Variants in DOCK1 observed in about 807,000 individuals in gnomAD.
DOCK1 encodes the protein dedicator of cytokinesis protein 1.
In DOCK1, 138 loss-of-function variants were observed where a neutral mutation model predicts 262.7. That is an observed-to-expected ratio of 0.53 (90% confidence interval 0.46 to 0.61). The LOEUF is 0.61. Ranked by LOEUF, DOCK1 falls within the 20% of genes least tolerant of loss-of-function variation. DOCK1 has a pLI of 0.00. For missense variants in DOCK1, 1,908 were observed against 2,370.7 expected (o/e 0.80, Z 4.05); for synonymous variants, 866 against 867.4 (o/e 1.00, Z 0.03).
intron 28 of DOCK1, among the ~76,000 whole-genome samples, chr10:127,248,550 A>G (rs1325463149): frequency 6.6e-6 from 1 of 152,234 alleles, no homozygotes; most frequent in Non-Finnish European, 1.5e-5. Flanking sequence ...GCTCATCAGC[A>G]TTTCTCCAAA....
chr10:126,997,629 C>T (rs1238673702), intron 7 of DOCK1, among the ~76,000 whole-genome samples: 1 of 151,924 alleles, frequency 6.6e-6, no homozygotes, highest in Non-Finnish European at 1.5e-5. Flanking sequence ...CACCTCCCAC[C>T]AGTATATATA....
chr10:127,274,047 G>A (rs2060659403), intron 29 of DOCK1, among the ~76,000 whole-genome samples: 1 of 152,140 alleles, frequency 6.6e-6, no homozygotes, highest in Non-Finnish European at 1.5e-5. Flanking sequence ...AACATGATCT[G>A]CATGTAATTC....
At chr10:127,432,893 C>T (rs1341622069) in intron 47 of DOCK1, among the ~76,000 whole-genome samples, 1 of 152,126 alleles carries the variant, frequency 6.6e-6, no homozygotes, top group Non-Finnish European at 1.5e-5. Context: ...GTCTGTCAAC[C>T]TGCAGAGATA....
chr10:127,129,054 G>A (rs191911229), intron 27 of DOCK1, among the ~76,000 whole-genome samples: 6 of 152,254 alleles, frequency 3.9e-5, no homozygotes, highest in Non-Finnish European at 5.9e-5. Flanking sequence ...ACAGGGAGGT[G>A]ATGTGCGTCT....
chr10:126,933,686 G>A (rs1399132114), intron 1 of DOCK1, among the ~76,000 whole-genome samples: 1 of 152,152 alleles, frequency 6.6e-6, no homozygotes, highest in Admixed American at 6.5e-5. Context: ...AAATGATGAG[G>A]TGTGTATTCC....
intron 29 of DOCK1, among the ~76,000 whole-genome samples, chr10:127,296,303 G>A (rs2135401230): frequency 6.6e-6 from 1 of 152,302 alleles, no homozygotes; most frequent in African/African-American, 2.4e-5. Context: ...GGGGGAATGT[G>A]GTGTCAGAAG....
Position 127,043,087 on chromosome 10 carries a change from T to C in DOCK1, c.2124T>C (p.Ala708=). Residue 708 remains alanine, a synonymous_variant, in exon 21 of 52, where the codon GCT becomes GCC. Transcript: ENST00000623213. ...AGGTATTTATCATTGGACTGATTGC[T>C]GATAGAAAATTTCAGCATTTTAATC... is the stretch of plus-strand genomic sequence containing the variant. The part of the protein sequence containing the change: ...DALVFIIGLI[A]DRKFQHFNPV... The C allele has an allele frequency of 4.3e-6, 7 of 1,609,502 alleles. No individual in the cohort carries two copies. Among genetic ancestry groups the C allele is most frequent in the Non-Finnish European group, 5.9e-6 (7 of 1,177,598 alleles).
intron 6 of DOCK1, among the ~76,000 whole-genome samples, chr10:126,991,537 GTTTT>G (rs898584693): frequency 2.0e-5 from 3 of 150,052 alleles, no homozygotes; most frequent in East Asian, 3.9e-4. Flanking sequence ...TTGTTTGTTT[GTTTT>G]TTTTTGAGAT....
At chr10:126,908,575 ATATT>A (rs1564975494) in intron 1 of DOCK1, among the ~76,000 whole-genome samples, 2 of 152,236 alleles carry the variant, frequency 1.3e-5, no homozygotes, top group African/African-American at 2.4e-5. Flanking sequence ...CTTCAGTTGT[ATATT>A]TATTTTGTAA....
intron 27 of DOCK1, chr10:127,136,115 T>A (rs1256541209): frequency 6.6e-6 from 1 of 152,444 alleles, no homozygotes; most frequent in Non-Finnish European, 1.5e-5. Flanking sequence ...TGTGCACATG[T>A]GTGTTTTAAA....
chr10:127,292,844 C>T (rs1366584488), intron 29 of DOCK1, among the ~76,000 whole-genome samples: 2 of 152,058 alleles, frequency 1.3e-5, no homozygotes, highest in African/African-American at 2.4e-5. Context: ...ACATTCAACC[C>T]GCCGAGAGCT....
At chr10:127,011,101 A>C (rs2041403617) in intron 11 of DOCK1, among the ~76,000 whole-genome samples, 1 of 152,212 alleles carries the variant, frequency 6.6e-6, no homozygotes, top group African/African-American at 2.4e-5. Flanking sequence ...TGTCCACTTG[A>C]AAAATATGTT....
intron 1 of DOCK1, among the ~76,000 whole-genome samples, chr10:126,916,157 C>T (rs1412964712): frequency 6.6e-6 from 1 of 152,210 alleles, no homozygotes; most frequent in Non-Finnish European, 1.5e-5. Flanking sequence ...CCCCAGGCCC[C>T]TTACCTGGAG....
intron 27 of DOCK1, chr10:127,153,983 A>G: frequency 8.2e-7 from 1 of 1,216,788 alleles, no homozygotes; most frequent in Middle Eastern, 1.9e-4. Context: ...GGCTTTATAG[A>G]GCAGATGCCT....
chr10:126,971,046 ATCTTT>A (rs1001390658), intron 2 of DOCK1, among the ~76,000 whole-genome samples: 2 of 149,634 alleles, frequency 1.3e-5, no homozygotes, highest in Admixed American at 1.4e-4. Flanking sequence ...GCATGTGTAA[ATCTTT>A]TTTTTTTTTT....
chr10:127,076,292 T>C (rs7906566), intron 23 of DOCK1, among the ~76,000 whole-genome samples: 1 of 152,062 alleles, frequency 6.6e-6, no homozygotes, highest in East Asian at 1.9e-4. Flanking sequence ...ACAAGGTCAG[T>C]AGATCAAGAC....
rs536420136 is a variant in DOCK1 at position 127,100,925 on chromosome 10, G to C, written c.2446-5306G>C. 6.6e-6 allele frequency among the ~76,000 whole-genome samples: 1 copy of C among 152,066 alleles called. No homozygotes were observed. Among genetic ancestry groups the C allele is most frequent in the African/African-American group, 2.4e-5 (1 of 41,420 alleles). On this transcript the variant is annotated intron_variant, in intron 23 of 51. Transcript: ENST00000623213. The surrounding 1 kb of genome is among the most constrained non-coding windows in gnomAD (Gnocchi z 5.5). ...GTATTGTCCGATGGAGCAGAGGCTC[G>C]CAGGGCCTGGGGCTGCTTTTCCGGG...
chr10:127,241,681 G>A (rs1234122386), intron 27 of DOCK1, among the ~76,000 whole-genome samples: 1 of 152,140 alleles, frequency 6.6e-6, no homozygotes, highest in Non-Finnish European at 1.5e-5. Flanking sequence ...GGTTAGGAGG[G>A]GTTAGTTTAA....
intron 32 of DOCK1, among the ~76,000 whole-genome samples, chr10:127,358,226 G>C (rs1241619844): frequency 2.6e-5 from 4 of 152,134 alleles, no homozygotes; most frequent in South Asian, 4.1e-4. Context: ...GAGCATCTCA[G>C]CTCTTGCCTC....
Sources: gnomAD v4.1 joint callset for allele counts (sites outside exome capture counted in the v4.1 genomes callset) on GRCh38, gnomAD v4.1.1 for gene constraint, Gnocchi (gnomAD v3.1) non-coding constraint, MANE v1.5 for transcripts, NCBI Gene and HGNC (gene_info 2026-07-23, HGNC 2026-07-21) for gene names.